NAT10: variants seen among roughly 807,000 people sequenced by gnomAD.
NAT10 encodes the protein RNA cytidine acetyltransferase.
In NAT10, 109 loss-of-function variants were observed where a neutral mutation model predicts 132.2. The ratio of observed to expected loss-of-function variants is 0.82; its 90% confidence interval spans 0.71 to 0.97. NAT10 has a LOEUF of 0.97. NAT10 is among the 50% of genes least tolerant of loss of function. NAT10 has a pLI of 0.00. For missense variants in NAT10, 1,184 were observed against 1,263.4 expected (o/e 0.94, Z 0.95); for synonymous variants, 479 against 478.0 (o/e 1.00, Z -0.03).
intron 6 of NAT10, 97 bp from the exon 7 acceptor site, chr11:34,118,083 C>T: frequency 2.1e-6 from 2 of 967,714 alleles, no homozygotes; most frequent in Non-Finnish European, 3.1e-6. Context: ...TTCTTAGAGA[C>T]ACTTGGGGCC....
At position 34,136,672 on chromosome 11, in the gene NAT10, C is replaced by A; in HGVS notation, c.2059C>A (p.Pro687Thr). 2 of 1,614,154 alleles carry A rather than the reference C, an allele frequency of 1.2e-6. No individual in the cohort carries two copies. The highest frequency in any genetic ancestry group is 1.7e-6 in the Non-Finnish European group (2 of 1,180,026). Residue 687 changes from proline (P) to threonine (T), a missense_variant, in exon 20 of 29, where the codon CCC (proline) becomes ACC (threonine). Pro to Thr is a conservative substitution (Grantham distance 38). Coordinates refer to ENST00000257829, the MANE Select transcript of NAT10 (RefSeq NM_024662.3). Reference protein sequence around the residue: ...AVSLLEEVITPRKDLPPLLLK... With the variant: ...AVSLLEEVITTRKDLPPLLLK... Reference sequence around the variant, plus strand: ...CAGCTTGTTGGAAGAGGTCATCACTCCCCGGAAGGACCTGCCTCCTTTACT... The same window carrying A: ...CAGCTTGTTGGAAGAGGTCATCACTACCCGGAAGGACCTGCCTCCTTTACT...
At chr11:34,115,987 A>G (rs1412080684) in intron 6 of NAT10, 103 bp downstream of exon 6, 2 of 1,009,746 alleles carry the variant, frequency 2.0e-6, no homozygotes, top group East Asian at 2.5e-5. Context: ...GGAAAGTAGT[A>G]CAATATTCCA....
chr11:34,119,038 G>A (rs992520528), intron 8 of NAT10, among the ~76,000 whole-genome samples: 1 of 152,226 alleles, frequency 6.6e-6, no homozygotes, highest in African/African-American at 2.4e-5. Context: ...GAAGTGAGAG[G>A]AGAACTTGAG....
At chr11:34,127,631 C>T (rs370364577) in intron 12 of NAT10, 32 bp downstream of exon 12, 25 of 1,580,702 alleles carry the variant, frequency 1.6e-5, no homozygotes, top group East Asian at 9.1e-5. Flanking sequence ...TCCTTACTCC[C>T]GTGGCAGGCT....
At position 34,113,701 on chromosome 11, in the gene NAT10, GC is replaced by G; in HGVS notation, c.373-10del. On this transcript the variant is annotated splice_polypyrimidine_tract_variant and intron_variant, in intron 4 of 28. Coordinates refer to ENST00000257829, the MANE Select transcript of NAT10 (RefSeq NM_024662.3). Reference sequence around the variant, plus strand: ...ATTTGCATGACCAGCCCTTTCTAACGCCCCCTTCTTCCAGGATTTTGAAGCC... The same window carrying G: ...ATTTGCATGACCAGCCCTTTCTAACGCCCCTTCTTCCAGGATTTTGAAGCC... 1 of 1,562,556 alleles carries G rather than the reference GC, an allele frequency of 6.4e-7. No individual in the cohort carries two copies. The highest frequency in any genetic ancestry group is 8.7e-7 in the Non-Finnish European group (1 of 1,149,944).
intron 18 of NAT10, 92 bp from the exon 19 acceptor site, chr11:34,135,082 AG>A: frequency 2.1e-6 from 2 of 947,378 alleles, no homozygotes; most frequent in Non-Finnish European, 3.3e-6. Context: ...CAGGGAGGGA[AG>A]GTTCTCTAGA....
chr11:34,141,896 C>G, intron 26 of NAT10, 79 bp downstream of exon 26: 1 of 1,227,254 alleles, frequency 8.1e-7, no homozygotes, highest in Non-Finnish European at 1.2e-6. Flanking sequence ...CTGTCTTCCC[C>G]TTCCCCTTTA....
chr11:34,115,590 T>A (rs1851771386), intron 5 of NAT10, among the ~76,000 whole-genome samples: 1 of 152,230 alleles, frequency 6.6e-6, no homozygotes, highest in South Asian at 2.1e-4. Context: ...TAAATGAATA[T>A]AACTTAGGAT....
intron 17 of NAT10, 34 bp downstream of exon 17, chr11:34,134,454 C>T: frequency 6.2e-7 from 1 of 1,613,292 alleles, no homozygotes; most frequent in Non-Finnish European, 8.5e-7. Context: ...CTGAGGGAAG[C>T]TGGTGGTGTC....
intron 25 of NAT10, 137 bp from the exon 26 acceptor site, chr11:34,141,582 C>T: frequency 8.0e-6 from 6 of 746,238 alleles, no homozygotes; most frequent in Non-Finnish European, 1.3e-5. Context: ...CTAATATCCA[C>T]ATTCCTAAAC....
At chr11:34,134,008 C>G (rs1426432310) in intron 16 of NAT10, among the ~76,000 whole-genome samples, 1 of 148,420 alleles carries the variant, frequency 6.7e-6, no homozygotes, top group African/African-American at 2.5e-5. Context: ...AAAAAAAATA[C>G]AAAAAATAAG....
rs1056314102 is a variant in NAT10, at chr11:34,112,188, A to G, written c.337A>G (p.Ile113Val). The G allele has an allele frequency of 2.3e-5, 37 of 1,614,234 alleles. No homozygotes were observed. Among genetic ancestry groups the G allele is most frequent in the Non-Finnish European group, 3.1e-5 (36 of 1,180,038 alleles). ...CTGCTACTACAACGAGACCCACAAG[A>G]TCCTGGGCAATACCTTCGGCATGTG... is the stretch of plus-strand genomic sequence containing the variant. ...RYCYYNETHK[I>V]LGNTFGMCVL... is the part of the protein sequence containing the mutation. The change falls in exon 4 of 29, where the codon ATC (isoleucine) becomes GTC (valine). Residue 113 changes from isoleucine (I) to valine (V), a missense_variant. Transcript: ENST00000257829.
Position 34,113,732 on chromosome 11 carries a change from C to G in NAT10, c.389C>G (p.Thr130Ser). The G allele has an allele frequency of 6.2e-7, 1 of 1,603,890 alleles. No homozygotes were observed. Among genetic ancestry groups the G allele is most frequent in the Non-Finnish European group, 8.5e-7 (1 of 1,173,788 alleles). The change falls in exon 5 of 29, where the codon ACT becomes AGT. Residue 130 changes from threonine (T) to serine (S), a missense_variant. By Grantham distance (58) the Thr-to-Ser change is moderately conservative (BLOSUM62 1). Transcript: ENST00000257829. ...MCVLQDFEAL[T>S]PNLLARTVET... Reference sequence around the variant, plus strand: ...TTCTTCCAGGATTTTGAAGCCTTAACTCCAAACTTGCTGGCCAGGACTGTA... The same window carrying G: ...TTCTTCCAGGATTTTGAAGCCTTAAGTCCAAACTTGCTGGCCAGGACTGTA...
rs1258947467 is a variant in NAT10 at position 34,118,165 on chromosome 11, G to A, written c.558-15G>A. 5.0e-6 allele frequency: 8 copies of A among 1,594,976 alleles called. No individual in the cohort carries two copies. Among genetic ancestry groups the A allele is most frequent in the Middle Eastern group, 1.7e-4 (1 of 6,046 alleles). On this transcript the variant is annotated splice_polypyrimidine_tract_variant and intron_variant, in intron 6 of 28. Coordinates refer to ENST00000257829, the MANE Select transcript of NAT10 (RefSeq NM_024662.3). The stretch of plus-strand genomic sequence containing the variant: ...GCCCTCCCCAACACTTCATTGCAGC[G>A]GTTTTGTATCTCAGGTTTATTCTGT...
intron 3 of NAT10, among the ~76,000 whole-genome samples, chr11:34,109,302 T>G (rs571351674): frequency 6.6e-6 from 1 of 152,314 alleles, no homozygotes; most frequent in South Asian, 2.1e-4. Context: ...CTTTGGAAAC[T>G]TTCTCCTTCC....
At chr11:34,112,304 A>T in intron 4 of NAT10, 81 bp downstream of exon 4, 1 of 1,522,772 alleles carries the variant, frequency 6.6e-7, no homozygotes, top group Non-Finnish European at 9.0e-7. Flanking sequence ...CTGGGAACAG[A>T]TGTACAGTAA....
rs149021799 is a variant in NAT10, at chr11:34,130,874, G to A, written c.1306G>A (p.Ala436Thr). ...KLIQQLRQQS[A>T]QSQVSTTAEN... Reference sequence around the variant, plus strand: ...AATTCAGCAGCTCCGTCAACAGAGCGCCCAGAGCCAGGTCAGCACCACTGC... The same window carrying A: ...AATTCAGCAGCTCCGTCAACAGAGCACCCAGAGCCAGGTCAGCACCACTGC... Residue 436 changes from alanine to threonine, a missense_variant, in exon 13 of 29, where the codon GCC becomes ACC. Transcript: ENST00000257829. 23 of 1,614,024 alleles carry A rather than the reference G, an allele frequency of 1.4e-5. No homozygotes were observed. Among genetic ancestry groups the A allele is most frequent in the African/African-American group, 5.3e-5 (4 of 74,926 alleles).
chr11:34,141,304 G>C, intron 25 of NAT10, 96 bp downstream of exon 25: 2 of 1,544,586 alleles, frequency 1.3e-6, no homozygotes, highest in Middle Eastern at 2.3e-4. Context: ...GCATTTAGCT[G>C]TGTTTGCTGC....
Position 34,118,499 on chromosome 11 carries a change from A to G in NAT10, c.776A>G (p.Asp259Gly). 2.5e-6 allele frequency: 4 copies of G among 1,612,834 alleles called. No individual in the cohort carries two copies. In the South Asian group the frequency reaches 3.3e-5, roughly 13 times the overall value. Residue 259 changes from aspartate to glycine, a missense_variant, in exon 8 of 29, where the codon GAC (aspartate) becomes GGC (glycine). Asp to Gly is a moderately conservative substitution (Grantham distance 94). Coordinates refer to ENST00000257829, the MANE Select transcript of NAT10 (RefSeq NM_024662.3). ...GVLVDCCKTL[D>G]QAKAVLKFIE... Reference sequence around the variant, plus strand: ...TTGGTGGACTGCTGTAAGACTCTAGACCAGGTGAGTGTGGTGCTCAGCACT... The same window carrying G: ...TTGGTGGACTGCTGTAAGACTCTAGGCCAGGTGAGTGTGGTGCTCAGCACT...
Sources: allele counts gnomAD v4.1 joint callset (sites outside exome capture counted in the v4.1 genomes callset), GRCh38; gene constraint gnomAD v4.1.1; transcripts MANE v1.5; gene names NCBI Gene and HGNC (gene_info 2026-07-23, HGNC 2026-07-21).